Variants in CHCHD6 observed in about 807,000 individuals in gnomAD.
CHCHD6 encodes the protein coiled-coil-helix-coiled-coil-helix domain containing 6.
A neutral mutation model predicts 32.3 loss-of-function variants in CHCHD6; 28 were observed. The observed-to-expected ratio is 0.87, with a 90% CI of 0.64 to 1.19. CHCHD6 has a LOEUF of 1.19. Among genes scored for constraint, CHCHD6 ranks in the 50% most tolerant of loss-of-function variants. CHCHD6 has a pLI of 0.00. For missense variants in CHCHD6, 333 were observed against 307.0 expected (o/e 1.08, Z -0.63); for synonymous variants, 122 against 117.5 (o/e 1.04, Z -0.25).
intron 5 of CHCHD6, among the ~76,000 whole-genome samples, chr3:126,912,703 T>C (rs898853083): frequency 6.6e-6 from 1 of 152,212 alleles, no homozygotes; most frequent in Non-Finnish European, 1.5e-5. Context: ...CAGCACCTGG[T>C]GGTTCTTCCT....
chr3:126,782,841 C>T (rs1200752048), intron 4 of CHCHD6, among the ~76,000 whole-genome samples: 1 of 152,096 alleles, frequency 6.6e-6, no homozygotes, highest in African/African-American at 2.4e-5. Flanking sequence ...CCTCCACCCC[C>T]AAAACACACA....
chr3:126,911,028 C>G (rs2078082065), intron 5 of CHCHD6, among the ~76,000 whole-genome samples: 1 of 152,130 alleles, frequency 6.6e-6, no homozygotes, highest in Admixed American at 6.5e-5. Flanking sequence ...TTTTTAAAAC[C>G]ATATGTAAGT....
intron 6 of CHCHD6, among the ~76,000 whole-genome samples, chr3:126,917,445 T>C (rs2078188241): frequency 6.6e-6 from 1 of 152,208 alleles, no homozygotes; most frequent in Admixed American, 6.5e-5. Flanking sequence ...GCCCGGGTTT[T>C]GGACTCAGAC....
intron 6 of CHCHD6, among the ~76,000 whole-genome samples, chr3:126,943,462 C>T (rs906457044): frequency 2.6e-5 from 4 of 152,160 alleles, no homozygotes; most frequent in African/African-American, 4.8e-5. Flanking sequence ...ACCCCAGTAG[C>T]GGGTGGCTGA....
At chr3:126,922,536 A>T (rs369194924) in intron 6 of CHCHD6, among the ~76,000 whole-genome samples, 20 of 152,262 alleles carry the variant, frequency 1.3e-4, no homozygotes, top group East Asian at 1.2e-3. Context: ...AATGTACAGG[A>T]TGGGGGCATT....
At chr3:126,764,122 T>A (rs2107673595) in intron 4 of CHCHD6, among the ~76,000 whole-genome samples, 1 of 150,492 alleles carries the variant, frequency 6.6e-6, no homozygotes, top group South Asian at 2.1e-4. Context: ...TAGACAATTA[T>A]ATCATTTATT....
chr3:126,740,474 C>T (rs1268130511), intron 4 of CHCHD6, among the ~76,000 whole-genome samples: 1 of 152,148 alleles, frequency 6.6e-6, no homozygotes, highest in Non-Finnish European at 1.5e-5. Flanking sequence ...TTGTTGTCAT[C>T]ACCTTTAGAG....
At chr3:126,710,793 C>T (rs772623353) in intron 1 of CHCHD6, among the ~76,000 whole-genome samples, 45 of 152,126 alleles carry the variant, frequency 3.0e-4, no homozygotes, top group Non-Finnish European at 4.3e-4. Context: ...CTTGCAACCT[C>T]GTTAGGCTCA....
At chr3:126,711,316 C>T (rs1934739207) in intron 1 of CHCHD6, among the ~76,000 whole-genome samples, 1 of 152,228 alleles carries the variant, frequency 6.6e-6, no homozygotes, top group African/African-American at 2.4e-5. Context: ...TTAACACAGA[C>T]CTGTTCGGGA....
At chr3:126,862,528 C>T (rs1220889804) in intron 5 of CHCHD6, among the ~76,000 whole-genome samples, 3 of 94,440 alleles carry the variant, frequency 3.2e-5, no homozygotes, top group Admixed American at 1.1e-4. Context: ...CACCACCTCA[C>T]CCTCTTCCAC....
chr3:126,727,459 A>G (rs1406804727), intron 2 of CHCHD6, among the ~76,000 whole-genome samples: 1 of 152,238 alleles, frequency 6.6e-6, no homozygotes, highest in Admixed American at 6.5e-5. Context: ...TTGACAGCTC[A>G]GGAAAGAAGT....
intron 5 of CHCHD6, among the ~76,000 whole-genome samples, chr3:126,889,823 G>C (rs2077731228): frequency 6.6e-6 from 1 of 152,210 alleles, no homozygotes; most frequent in Non-Finnish European, 1.5e-5. Context: ...CCAGCAGATG[G>C]CCTGGTGCCT....
intron 4 of CHCHD6, among the ~76,000 whole-genome samples, chr3:126,835,261 C>T (rs570615681): frequency 6.6e-6 from 1 of 152,266 alleles, no homozygotes; most frequent in East Asian, 1.9e-4. Context: ...AGAGGCAGGA[C>T]AGTGCTCCCC....
intron 4 of CHCHD6, among the ~76,000 whole-genome samples, chr3:126,784,850 CA>C (rs1358598054): frequency 6.6e-6 from 1 of 152,056 alleles, no homozygotes; most frequent in East Asian, 1.9e-4. Flanking sequence ...TTTTATATAC[CA>C]ATTGTCATTC....
At chr3:126,833,827 G>A (rs923663607) in intron 4 of CHCHD6, among the ~76,000 whole-genome samples, 2 of 151,844 alleles carry the variant, frequency 1.3e-5, no homozygotes, top group Non-Finnish European at 2.9e-5. Context: ...AGGCCGAGGC[G>A]GGCGGATCAC....
At chr3:126,920,333 T>A (rs554113977) in intron 6 of CHCHD6, among the ~76,000 whole-genome samples, 7 of 152,254 alleles carry the variant, frequency 4.6e-5, no homozygotes, top group African/African-American at 1.7e-4. Flanking sequence ...TGTTGCCTTT[T>A]TTTTTCTTGG....
rs181729820 is a variant in CHCHD6 at position 126,710,322 on chromosome 3, C to T, written c.87+5923C>T. On this transcript the variant is annotated intron_variant, in intron 1 of 7. Transcript: ENST00000290913. ...CTTTATGTCTGTCCTTATGCCAGTACCATGCTGTCATGCTGATTATTGTGG... is the reference window on the plus strand; with the variant it reads ...CTTTATGTCTGTCCTTATGCCAGTATCATGCTGTCATGCTGATTATTGTGG... Among the ~76,000 whole-genome samples the T allele has an allele frequency of 3.3e-5, 5 of 152,254 alleles. No individual in the cohort carries two copies. The East Asian group carries it at 9.6e-4, about 29-fold the overall frequency.
chr3:126,876,547 T>G (rs1559897877), intron 5 of CHCHD6, among the ~76,000 whole-genome samples: 1 of 152,240 alleles, frequency 6.6e-6, no homozygotes, highest in Non-Finnish European at 1.5e-5. Flanking sequence ...TATGTTTTAT[T>G]GGCAGTGTTT....
chr3:126,769,335 C>T (rs1937500198), intron 4 of CHCHD6, among the ~76,000 whole-genome samples: 2 of 152,224 alleles, frequency 1.3e-5, no homozygotes, highest in South Asian at 4.1e-4. Context: ...AGGTATGTGG[C>T]ATTACTTCTG....
Sources: gnomAD v4.1 joint callset for allele counts (sites outside exome capture counted in the v4.1 genomes callset) on GRCh38, gnomAD v4.1.1 for gene constraint, MANE v1.5 for transcripts, NCBI Gene and HGNC (gene_info 2026-07-23, HGNC 2026-07-21) for gene names.